Variants in SCML2 observed in about 807,000 individuals in gnomAD.
The protein encoded by SCML2 is Scm polycomb group protein like 2.
A neutral mutation model predicts 48.4 loss-of-function variants in SCML2; 6 were observed. The observed-to-expected ratio is 0.12, with a 90% CI of 0.07 to 0.24. The LOEUF is 0.24. Ranked by LOEUF, SCML2 falls within the 10% of genes least tolerant of loss-of-function variation. SCML2 has a pLI of 1.00. For synonymous variants in SCML2, 181 were observed against 189.5 expected, an observed-to-expected ratio of 0.95 and a Z score of 0.37; for missense variants, 377 against 528.2, an observed-to-expected ratio of 0.71 and a Z score of 2.81.
rs910003261 is a variant in SCML2 at position 18,324,517 on chromosome X, T to G, written c.162+390A>C. 2.7e-5 allele frequency among the ~76,000 whole-genome samples: 3 copies of G among 111,436 alleles called. No homozygotes were observed. In the South Asian group the frequency reaches 1.1e-3, roughly 42 times the overall value. On this transcript the variant is annotated intron_variant, in intron 4 of 14. Transcript: ENST00000251900. ...ATTATCGCCTCTATCCACTTTGTGCTCCAGCCACCCCAAGCCATCCCTTAA... is the reference window on the plus strand; with the variant it reads ...ATTATCGCCTCTATCCACTTTGTGCGCCAGCCACCCCAAGCCATCCCTTAA...
chrX:18,259,699 A>C (rs1926989972), intron 9 of SCML2, among the ~76,000 whole-genome samples: 1 of 112,418 alleles, frequency 8.9e-6, no homozygotes, highest in Non-Finnish European at 1.9e-5. Flanking sequence ...TTTTAAAGTG[A>C]CTTCTATTTT....
intron 6 of SCML2, among the ~76,000 whole-genome samples, chrX:18,317,900 G>T (rs1234162491): frequency 9.1e-6 from 1 of 109,846 alleles, no homozygotes; most frequent in Non-Finnish European, 1.9e-5. Flanking sequence ...GGAGGGAAGA[G>T]AGGAATGAAG....
At chrX:18,317,629 G>A (rs918066055) in intron 6 of SCML2, among the ~76,000 whole-genome samples, 2 of 110,560 alleles carry the variant, frequency 1.8e-5, no homozygotes, top group African/African-American at 6.6e-5. Context: ...TCAGGAGATC[G>A]AGACCATCCT....
intron 1 of SCML2, among the ~76,000 whole-genome samples, chrX:18,347,867 C>T (rs1930253999): frequency 9.2e-6 from 1 of 108,644 alleles, no homozygotes; most frequent in Admixed American, 1.0e-4. Context: ...TCTAAAGGAG[C>T]AATTTTAAAT....
chrX:18,328,445 C>A (rs931030161), intron 3 of SCML2, among the ~76,000 whole-genome samples: 3 of 111,324 alleles, frequency 2.7e-5, no homozygotes, highest in African/African-American at 9.8e-5. Flanking sequence ...CTGAGGCGGG[C>A]AGATCGCTTG....
chrX:18,323,896 T>C lies in SCML2; in HGVS notation c.360A>G (p.Thr120=). Residue 120 remains threonine (T), a synonymous_variant, in exon 5 of 15, where the codon ACA becomes ACG. Transcript: ENST00000251900. ...VDSPDIQPVG[T]CEKEGDLLQP... is the part of the protein sequence containing the mutation. ...GAAGTAAGTCTCCTTCCTTTTCACA[T>C]GTCCCAACAGGTTGTATGTCTGGGG... 1 of 1,210,979 alleles carries C rather than the reference T, an allele frequency of 8.3e-7. No homozygotes were observed.
At chrX:18,251,278 C>A (rs1444396787) in intron 11 of SCML2, among the ~76,000 whole-genome samples, 2 of 91,401 alleles carry the variant, frequency 2.2e-5, no homozygotes, top group Non-Finnish European at 4.2e-5. Flanking sequence ...CCACTGCACT[C>A]CAGCCTGGGT....
At chrX:18,329,764 T>C (rs926942328) in intron 3 of SCML2, among the ~76,000 whole-genome samples, 1 of 112,577 alleles carries the variant, frequency 8.9e-6, no homozygotes, top group African/African-American at 3.2e-5. Flanking sequence ...ATAAGTACTA[T>C]CATTATCCCT....
chrX:18,343,939 A>G (rs868173930), intron 1 of SCML2, among the ~76,000 whole-genome samples: 49 of 105,202 alleles, frequency 4.7e-4, no homozygotes, highest in Non-Finnish European at 6.4e-4. Flanking sequence ...AAAAAAAAAA[A>G]AAAGAAAGAA....
At chrX:18,337,702 A>C (rs1929876705) in intron 1 of SCML2, among the ~76,000 whole-genome samples, 1 of 111,947 alleles carries the variant, frequency 8.9e-6, no homozygotes. Flanking sequence ...TCAGAAATGG[A>C]CAGATCTAGC....
intron 1 of SCML2, among the ~76,000 whole-genome samples, chrX:18,343,430 A>G (rs779823457): frequency 1.4e-4 from 16 of 110,907 alleles, no homozygotes; most frequent in Admixed American, 4.8e-4. Context: ...TATAAAATGA[A>G]TACAACTGTA....
chrX:18,337,322 A>C (rs1332182187), intron 1 of SCML2, among the ~76,000 whole-genome samples: 4 of 103,380 alleles, frequency 3.9e-5, no homozygotes, highest in East Asian at 5.9e-4. Context: ...AAAAAAAAAA[A>C]AAAAAAAAAA....
At chrX:18,265,877 G>A in intron 7 of SCML2, 75 bp from the exon 8 acceptor site, 1 of 742,826 alleles carries the variant, frequency 1.3e-6, no homozygotes, top group African/African-American at 2.1e-5. Context: ...CTCAAAATAA[G>A]TTTTACTCGA....
At chrX:18,256,238 G>C (rs1437257644) in intron 11 of SCML2, among the ~76,000 whole-genome samples, 1 of 111,323 alleles carries the variant, frequency 9.0e-6, no homozygotes, top group Admixed American at 9.6e-5. Flanking sequence ...GATCACTTAA[G>C]GTCAGGAGTT....
intron 9 of SCML2, among the ~76,000 whole-genome samples, chrX:18,259,102 A>T (rs1926966066): frequency 1.8e-5 from 2 of 110,909 alleles, no homozygotes; most frequent in Admixed American, 1.9e-4. Flanking sequence ...CATCTCTACT[A>T]AAAATACAAA....
chrX:18,241,087 GA>G lies in SCML2; in HGVS notation c.*163del, dbSNP rs1329390557. The G allele has an allele frequency of 2.3e-5, 9 of 390,531 alleles. No homozygotes were observed. Among genetic ancestry groups the G allele is most frequent in the Admixed American group, 5.9e-5 (1 of 16,913 alleles). The allele number at this position is 390,531 out of a possible 1,213,427, so 32.2% of individuals were successfully genotyped here. On this transcript the variant is annotated 3_prime_UTR_variant, in exon 15 of 15. Transcript: ENST00000251900. ...TCCCAAAGCTGGTTGGTGACTCCAG[GA>G]AAAAAACAAAGTTGACTGAACTGTT... is the stretch of plus-strand genomic sequence containing the variant.
intron 2 of SCML2, among the ~76,000 whole-genome samples, chrX:18,331,261 A>G (rs1173834924): frequency 1.1e-5 from 1 of 93,136 alleles, no homozygotes; most frequent in African/African-American, 4.7e-5. Flanking sequence ...CTCCGTCTCA[A>G]AAAAAAAAAA....
intron 7 of SCML2, among the ~76,000 whole-genome samples, chrX:18,287,117 A>T (rs1042510094): frequency 9.0e-6 from 1 of 111,712 alleles, no homozygotes; most frequent in Non-Finnish European, 1.9e-5. Context: ...AACACCAAAG[A>T]TATCAGTTTT....
intron 8 of SCML2, among the ~76,000 whole-genome samples, chrX:18,261,136 T>C (rs187126358): frequency 1.8e-5 from 2 of 109,115 alleles, no homozygotes; most frequent in Non-Finnish European, 3.8e-5. Context: ...TTAACATTGA[T>C]ACAGTGTTCT....
Sources: allele counts gnomAD v4.1 joint callset (sites outside exome capture counted in the v4.1 genomes callset), GRCh38; gene constraint gnomAD v4.1.1; transcripts MANE v1.5; gene names NCBI Gene and HGNC (gene_info 2026-07-23, HGNC 2026-07-21).